PALS1: variants seen among roughly 807,000 people sequenced by gnomAD.
PALS1 encodes protein PALS1.
A neutral mutation model predicts 78.9 loss-of-function variants in PALS1; 31 were observed. The observed-to-expected ratio is 0.39, with a 90% CI of 0.30 to 0.53. The LOEUF is 0.53. Ranked by LOEUF, PALS1 falls within the 20% of genes least tolerant of loss-of-function variation. The pLI is 0.67. For missense variants in PALS1, 704 were observed against 826.5 expected (o/e 0.85, Z 1.82); for synonymous variants, 276 against 270.9 (o/e 1.02, Z -0.18).
intron 11 of PALS1, 47 bp downstream of exon 11, chr14:67,317,526 C>A: frequency 7.6e-7 from 1 of 1,320,850 alleles, no homozygotes; most frequent in South Asian, 1.3e-5. Context: ...TGAAAGGAGT[C>A]TAAACCTAGT....
intron 8 of PALS1, chr14:67,312,080 C>T (rs1467351743): frequency 6.5e-6 from 1 of 152,708 alleles, no homozygotes; most frequent in Non-Finnish European, 1.5e-5. Flanking sequence ...TCATTGTTTT[C>T]ACAGGTCAGG....
At chr14:67,264,105 A>G (rs1172346582) in intron 1 of PALS1, among the ~76,000 whole-genome samples, 1 of 152,218 alleles carries the variant, frequency 6.6e-6, no homozygotes, top group Non-Finnish European at 1.5e-5. Context: ...TGGTGTAAGG[A>G]TTAGATGATG....
chr14:67,291,252 G>A (rs1202222774), intron 3 of PALS1, among the ~76,000 whole-genome samples: 3 of 149,346 alleles, frequency 2.0e-5, no homozygotes, highest in Non-Finnish European at 4.4e-5. Context: ...TTTTTGAGAT[G>A]GAGTCTTGCT....
chr14:67,309,551 C>A (rs558043164), intron 8 of PALS1, among the ~76,000 whole-genome samples: 31 of 152,234 alleles, frequency 2.0e-4, no homozygotes, highest in African/African-American at 7.2e-4. Flanking sequence ...GGGCCCTGTT[C>A]CAAGCCAGTT....
Position 67,302,576 on chromosome 14 carries a change from G to A in PALS1, c.963+5G>A, listed in dbSNP as rs2084947095. On this transcript the variant is annotated splice_donor_5th_base_variant and intron_variant, in intron 7 of 14. Transcript: ENST00000261681. ...AATGAGGTTTTTGACTTGTTGGTAA[G>A]TTGACGCAGCTAGAAGAATAATTGA... 6.8e-7 allele frequency: 1 copy of A among 1,478,740 alleles called. No individual in the cohort carries two copies. The highest frequency in any genetic ancestry group is 9.0e-7 in the Non-Finnish European group (1 of 1,111,716). 91.6% of individuals were successfully genotyped at this position (1,478,740 alleles called of 1,614,324 possible).
intron 1 of PALS1, chr14:67,241,904 C>G (rs1030838229): frequency 4.6e-5 from 7 of 152,152 alleles, no homozygotes; most frequent in African/African-American, 1.7e-4. Flanking sequence ...CTCTCCCGGC[C>G]GGGTCTGGGA....
chr14:67,325,980 T>TTTC (rs1491274168), intron 14 of PALS1, among the ~76,000 whole-genome samples: 1 of 68,116 alleles, frequency 1.5e-5, no homozygotes, highest in African/African-American at 1.9e-4. Flanking sequence ...GGCTCTTTTC[T>TTTC]TTTTTTTTTT....
At chr14:67,276,308 T>C (rs2084504182) in intron 2 of PALS1, among the ~76,000 whole-genome samples, 1 of 152,210 alleles carries the variant, frequency 6.6e-6, no homozygotes, top group Non-Finnish European at 1.5e-5. Context: ...TTGTATTCTA[T>C]TCTGTTTTCT....
chr14:67,254,636 A>C (rs889366900), intron 1 of PALS1, among the ~76,000 whole-genome samples: 1 of 152,152 alleles, frequency 6.6e-6, no homozygotes, highest in Non-Finnish European at 1.5e-5. Flanking sequence ...TAATTTATAG[A>C]TAGCACCAGA....
chr14:67,320,326 A>G lies in PALS1; in HGVS notation c.1466A>G (p.Asn489Ser). 4 of 1,613,738 alleles carry G rather than the reference A, an allele frequency of 2.5e-6. No homozygotes were observed. The highest frequency in any genetic ancestry group is 3.4e-6 in the Non-Finnish European group (4 of 1,179,842). The change falls in exon 12 of 15, where the codon AAC becomes AGC. Residue 489 changes from asparagine to serine, a missense_variant. Transcript: ENST00000261681. The stretch of plus-strand genomic sequence containing the variant: ...CCTATCATCTTGATTGGTCCACAGA[A>G]CTGTGGCCAGAATGAATTGCGTCAG... ...KRPIILIGPQ[N>S]CGQNELRQRL...
rs1429954753 is a variant in PALS1, at chr14:67,323,261, G to GTGTGTGTATATATA, written c.1741-440_1741-439insGTGTGTATATATAT. ...TGTGTGTGTGTGTGTGTGTGTGTGT[G>GTGTGTGTATATATA]TATATATATATATGGCTTCACAGTA... On this transcript the variant is annotated intron_variant, in intron 13 of 14. Coordinates refer to ENST00000261681, the MANE Select transcript of PALS1 (RefSeq NM_022474.4). Among the ~76,000 whole-genome samples the GTGTGTGTATATATA allele has an allele frequency of 6.8e-3, 848 of 124,154 alleles. 7 individuals carry two copies. Among genetic ancestry groups the GTGTGTGTATATATA allele is most frequent in the Non-Finnish European group, 9.4e-3 (507 of 54,070 alleles). The allele number at this position is 124,154 out of a possible 152,430, so 81.4% of individuals were successfully genotyped here. A position where few individuals can be genotyped will look rare whatever the true frequency, so the allele number is the denominator to read the frequency against.
At chr14:67,262,102 A>G (rs943585023) in intron 1 of PALS1, among the ~76,000 whole-genome samples, 10 of 152,154 alleles carry the variant, frequency 6.6e-5, no homozygotes, top group South Asian at 2.1e-4. Context: ...CAGTGCCTAC[A>G]TATGTGGAAA....
intron 3 of PALS1, among the ~76,000 whole-genome samples, chr14:67,287,876 T>G (rs1330675836): frequency 1.3e-5 from 2 of 152,234 alleles, no homozygotes; most frequent in Non-Finnish European, 2.9e-5. Context: ...AGTATTTTAG[T>G]GTCCTTTTGA....
chr14:67,256,825 T>C (rs566456545), intron 1 of PALS1, among the ~76,000 whole-genome samples: 5,524 of 127,218 alleles, frequency 0.043, 111 homozygotes, highest in African/African-American at 0.061. Flanking sequence ...CACACACACA[T>C]GAAACTGATA....
intron 1 of PALS1, among the ~76,000 whole-genome samples, chr14:67,257,832 T>G (rs2084170444): frequency 1.3e-5 from 2 of 152,184 alleles, no homozygotes; most frequent in Admixed American, 1.3e-4. Context: ...GTTTGCTTTT[T>G]TTAAAAAATA....
intron 1 of PALS1, among the ~76,000 whole-genome samples, chr14:67,248,854 C>T (rs1371042735): frequency 1.3e-5 from 2 of 151,962 alleles, no homozygotes; most frequent in African/African-American, 4.8e-5. Context: ...GAGATGGGGT[C>T]TCACTGTGTT....
At chr14:67,268,521 T>C (rs960874268) in intron 1 of PALS1, among the ~76,000 whole-genome samples, 4 of 152,162 alleles carry the variant, frequency 2.6e-5, no homozygotes, top group African/African-American at 9.7e-5. Context: ...AAGGGGTGGA[T>C]TCATGAATTT....
chr14:67,314,068 C>T (rs2085133422), intron 9 of PALS1, among the ~76,000 whole-genome samples: 2 of 151,684 alleles, frequency 1.3e-5, no homozygotes, highest in African/African-American at 4.8e-5. Flanking sequence ...TATCTTTTAT[C>T]TACAACCTTT....
At chr14:67,281,654 T>A (rs926317919) in intron 3 of PALS1, among the ~76,000 whole-genome samples, 4 of 152,208 alleles carry the variant, frequency 2.6e-5, no homozygotes, top group African/African-American at 9.6e-5. Flanking sequence ...TTACTTAGAA[T>A]CAGGTGTAAG....
Sources: gnomAD v4.1 joint callset for allele counts (sites outside exome capture counted in the v4.1 genomes callset) on GRCh38, gnomAD v4.1.1 for gene constraint, MANE v1.5 for transcripts, NCBI Gene and HGNC (gene_info 2026-07-23, HGNC 2026-07-21) for gene names.